Variants in GATM observed in about 807,000 individuals in gnomAD.
GATM encodes the protein glycine amidinotransferase, mitochondrial.
In GATM, 23 loss-of-function variants were observed where a neutral mutation model predicts 54.2. The ratio of observed to expected loss-of-function variants is 0.42; its 90% CI spans 0.31 to 0.60. The LOEUF is 0.60. Ranked by LOEUF, GATM falls within the 20% of genes least tolerant of loss-of-function variation. The pLI, the probability that GATM is intolerant of heterozygous loss-of-function variation, is 0.14. For missense variants in GATM, 401 were observed against 544.9 expected (o/e 0.74, Z 2.63); for synonymous variants, 168 against 183.1 (o/e 0.92, Z 0.67).
intron 3 of GATM, among the ~76,000 whole-genome samples, chr15:45,388,905 T>C (rs1197917833): frequency 2.0e-5 from 3 of 152,246 alleles, no homozygotes; most frequent in Non-Finnish European, 1.5e-5. Context: ...GGGGTTTACA[T>C]ACATATATTG....
chr15:45,365,962 C>T (rs1318756914), intron 6 of GATM, 84 bp downstream of exon 6: 3 of 1,269,028 alleles, frequency 2.4e-6, no homozygotes, highest in Non-Finnish European at 3.5e-6. Flanking sequence ...CCATTAGGAA[C>T]CATGGAAGTG....
chr15:45,372,676 A>G (rs1268256202), intron 2 of GATM, among the ~76,000 whole-genome samples: 1 of 152,226 alleles, frequency 6.6e-6, no homozygotes, highest in African/African-American at 2.4e-5. Context: ...GACTCATTCC[A>G]AAGTATCCTC....
chr15:45,376,268 G>GT (rs1889631489), intron 2 of GATM, among the ~76,000 whole-genome samples: 1 of 152,202 alleles, frequency 6.6e-6, no homozygotes, highest in Non-Finnish European at 1.5e-5. Context: ...AGCGGTAGCT[G>GT]TGAGAATGGC....
chr15:45,381,783 T>C (rs1049975296), upstream of GATM, among the ~76,000 whole-genome samples: 3 of 152,238 alleles, frequency 2.0e-5, no homozygotes, highest in African/African-American at 7.2e-5. Flanking sequence ...GAAACAATAA[T>C]GTATTACTCA....
rs977009957 is a variant in GATM, at chr15:45,361,982, G to A, written c.*127C>T. Reference sequence around the variant, plus strand: ...AGTAATAGAAGCAAACCAGGCTTACGACCCCTGTTAAGGAGATGATTGTTT... The same window carrying A: ...AGTAATAGAAGCAAACCAGGCTTACAACCCCTGTTAAGGAGATGATTGTTT... On this transcript the variant is annotated 3_prime_UTR_variant, in exon 9 of 9. Coordinates refer to ENST00000396659, the MANE Select transcript of GATM (RefSeq NM_001482.3). 10 of 696,816 alleles carry A rather than the reference G, an allele frequency of 1.4e-5. No homozygotes were observed. Among genetic ancestry groups the A allele is most frequent in the South Asian group, 1.2e-4 (8 of 66,304 alleles). The allele number at this position is 696,816 out of a possible 1,614,324, so 43.2% of individuals were successfully genotyped here. A position where few individuals can be genotyped will look rare whatever the true frequency, so the allele number is the denominator to read the frequency against.
chr15:45,391,923 A>G (rs978902540), intron 3 of GATM, among the ~76,000 whole-genome samples: 6 of 152,252 alleles, frequency 3.9e-5, no homozygotes, highest in South Asian at 2.1e-4. Context: ...GGCAGGCCCT[A>G]TGGCAGAGTA....
rs12324848 is a variant in GATM, at chr15:45,368,573, C to T, written c.485-313G>A. Among the ~76,000 whole-genome samples, 14,914 of 151,890 alleles carry T rather than the reference C, an allele frequency of 0.098. 832 individuals carry two copies. The highest frequency in any genetic ancestry group is 0.25 in the Middle Eastern group (74 of 294). ...GCTGCAGTGAGCCGAGATTGTGCCACCACACTCCAGCCTGGGCGACAGAGT... is the reference window on the plus strand; with the variant it reads ...GCTGCAGTGAGCCGAGATTGTGCCATCACACTCCAGCCTGGGCGACAGAGT... On this transcript the variant is annotated intron_variant, in intron 3 of 8. Coordinates refer to ENST00000396659, the MANE Select transcript of GATM (RefSeq NM_001482.3). The surrounding 1 kb of genome is among the most constrained non-coding windows in gnomAD (Gnocchi z 5.1).
At chr15:45,396,901 T>C (rs1889941545) in intron 3 of GATM, 1 of 137,304 alleles carries the variant, frequency 7.3e-6, no homozygotes, top group Non-Finnish European at 1.6e-5. Context: ...AAGCCATAAG[T>C]ATGGTAAAGA....
At chr15:45,376,183 A>C (rs1012223855) in intron 2 of GATM, among the ~76,000 whole-genome samples, 1 of 152,194 alleles carries the variant, frequency 6.6e-6, no homozygotes, top group Non-Finnish European at 1.5e-5. Flanking sequence ...GTCCTGTGGC[A>C]ATATCCCGTA....
intron 2 of GATM, among the ~76,000 whole-genome samples, chr15:45,370,650 G>A (rs762552457): frequency 2.6e-5 from 4 of 152,152 alleles, no homozygotes; most frequent in Non-Finnish European, 5.9e-5. Context: ...AGTTTCCAGG[G>A]CTATGTGTAT....
At chr15:45,400,940 C>T (rs1041063437) in intron 1 of GATM, among the ~76,000 whole-genome samples, 4 of 149,582 alleles carry the variant, frequency 2.7e-5, no homozygotes, top group Non-Finnish European at 5.9e-5. Flanking sequence ...GTAATTCACA[C>T]CTTTAGGGGT....
chr15:45,362,328 G>T, intron 8 of GATM, 107 bp from the exon 9 acceptor site: 1 of 726,272 alleles, frequency 1.4e-6, no homozygotes, highest in Non-Finnish European at 2.5e-6. Context: ...AATCCTTAAG[G>T]ATACCCAACC....
intron 3 of GATM, among the ~76,000 whole-genome samples, chr15:45,392,714 T>G (rs1222687703): frequency 6.6e-6 from 1 of 152,236 alleles, no homozygotes; most frequent in South Asian, 2.1e-4. Context: ...ATCATCTTCA[T>G]ATCTTCACAT....
At chr15:45,391,241 C>T (rs1160755528) in intron 3 of GATM, among the ~76,000 whole-genome samples, 2 of 126,256 alleles carry the variant, frequency 1.6e-5, no homozygotes, top group African/African-American at 7.1e-5. Context: ...CCCATCTCTA[C>T]TAAAAATACA....
intron 3 of GATM, among the ~76,000 whole-genome samples, chr15:45,389,869 T>C (rs893061547): frequency 6.6e-6 from 1 of 151,776 alleles, no homozygotes; most frequent in Non-Finnish European, 1.5e-5. Flanking sequence ...TTCTTTTTCT[T>C]TTTTTTTGGA....
intron 1 of GATM, among the ~76,000 whole-genome samples, chr15:45,399,895 G>A (rs1379728033): frequency 6.7e-6 from 1 of 149,228 alleles, no homozygotes; most frequent in Non-Finnish European, 1.5e-5. Context: ...AAACAACTAA[G>A]CAAAAGAGCC....
intron 1 of GATM, among the ~76,000 whole-genome samples, chr15:45,401,545 G>T (rs1166381961): frequency 7.0e-6 from 1 of 143,666 alleles, no homozygotes; most frequent in African/African-American, 2.8e-5. Context: ...TTCCCTGTGC[G>T]AAAGGGAAAG....
chr15:45,363,075 G>A (rs930356629), intron 8 of GATM, among the ~76,000 whole-genome samples: 3 of 152,112 alleles, frequency 2.0e-5, no homozygotes, highest in African/African-American at 4.8e-5. Context: ...TTGAGGTCAG[G>A]AGTTCGAGAC....
chr15:45,368,203 T>C lies in GATM; in HGVS notation c.542A>G (p.Glu181Gly). The change falls in exon 4 of 9, where the codon GAG (glutamate) becomes GGG (glycine). Residue 181 changes from glutamate to glycine, a missense_variant. Glu to Gly is a moderately conservative substitution (Grantham distance 98, BLOSUM62 -2). Transcript: ENST00000396659. This position sits in a 1 kb window ranked among gnomAD's most constrained non-coding sequence, Gnocchi z 5.1. ...ILIVVGNEII[E>G]APMAWRSRFF... ...GCGTGAACGCCATGCCATGGGAGCC[T>C]CGATAATCTCATTGCCCACAACTAT... 1 of 1,614,100 alleles carries C rather than the reference T, an allele frequency of 6.2e-7. No homozygotes were observed. The highest frequency in any genetic ancestry group is 8.5e-7 in the Non-Finnish European group (1 of 1,180,024).
Sources: gnomAD v4.1 joint callset for allele counts (sites outside exome capture counted in the v4.1 genomes callset) on GRCh38, gnomAD v4.1.1 for gene constraint, Gnocchi (gnomAD v3.1) non-coding constraint, MANE v1.5 for transcripts, NCBI Gene and HGNC (gene_info 2026-07-23, HGNC 2026-07-21) for gene names.